GPHN: variants seen among roughly 807,000 people sequenced by gnomAD.
GPHN encodes gephyrin.
A neutral mutation model predicts 95.5 loss-of-function variants in GPHN; 17 were observed. The ratio of observed to expected loss-of-function variants is 0.18; its 90% CI spans 0.12 to 0.27. The LOEUF (loss-of-function observed/expected upper bound fraction) is 0.27. GPHN is among the 10% of genes least tolerant of loss of function. The pLI is 1.00. For missense variants in GPHN, 660 were observed against 978.1 expected (o/e 0.67, Z 4.34); for synonymous variants, 320 against 322.5 (o/e 0.99, Z 0.08).
chr14:67,036,694 T>A (rs2074443004), intron 10 of GPHN, among the ~76,000 whole-genome samples: 1 of 151,660 alleles, frequency 6.6e-6, no homozygotes, highest in Non-Finnish European at 1.5e-5. Flanking sequence ...TACAATAGCA[T>A]CAGAAAGAAT....
the GPHN span, among the ~76,000 whole-genome samples, chr14:67,425,677 C>G: frequency 6.6e-5 from 10 of 152,150 alleles, no homozygotes; most frequent in African/African-American, 2.4e-4. Flanking sequence ...AGAATTAAGG[C>G]AATGAGAGGG....
chr14:67,343,860 T>C, the GPHN span, among the ~76,000 whole-genome samples: 23,621 of 152,172 alleles, frequency 0.16, 3,469 homozygotes, highest in East Asian at 0.42. Context: ...TGTCTCTTCA[T>C]AACAAAACAA....
chr14:67,465,385 G>A, the GPHN span, among the ~76,000 whole-genome samples: 11 of 129,616 alleles, frequency 8.5e-5, no homozygotes, highest in African/African-American at 2.8e-4. Flanking sequence ...CAGGGCTGGG[G>A]CAGAGGCGAG....
intron 3 of GPHN, among the ~76,000 whole-genome samples, chr14:66,795,953 T>A (rs1310196478): frequency 6.6e-6 from 1 of 152,118 alleles, no homozygotes; most frequent in African/African-American, 2.4e-5. Flanking sequence ...TTGTACCTAC[T>A]AACCATCCCT....
chr14:66,515,207 A>C (rs571876524), intron 1 of GPHN, among the ~76,000 whole-genome samples: 6 of 152,108 alleles, frequency 3.9e-5, no homozygotes, highest in Non-Finnish European at 8.8e-5. Flanking sequence ...ATATATGGTT[A>C]TGTTCTTTAC....
At chr14:67,105,588 C>T (rs2077989503) in intron 13 of GPHN, among the ~76,000 whole-genome samples, 2 of 152,052 alleles carry the variant, frequency 1.3e-5, no homozygotes, top group Non-Finnish European at 2.9e-5. Flanking sequence ...AGAATGACCT[C>T]TCATATTTCT....
At chr14:67,506,285 C>T in the GPHN span, among the ~76,000 whole-genome samples, 19 of 152,048 alleles carry the variant, frequency 1.2e-4, no homozygotes, top group African/African-American at 3.9e-4. Flanking sequence ...ATCACAGAAC[C>T]GTCTCCTATG....
chr14:67,203,180 G>T, the GPHN span: 1 of 1,613,932 alleles, frequency 6.2e-7, no homozygotes, highest in Non-Finnish European at 8.5e-7. Context: ...CCACCCACAA[G>T]ATCCCCAATG....
intron 10 of GPHN, among the ~76,000 whole-genome samples, chr14:67,055,261 T>C (rs934880034): frequency 6.6e-6 from 1 of 152,188 alleles, no homozygotes. Context: ...GCAAAGGATA[T>C]GTACAGACAC....
intron 17 of GPHN, among the ~76,000 whole-genome samples, chr14:67,128,029 A>C (rs1051984980): frequency 6.6e-6 from 1 of 152,138 alleles, no homozygotes; most frequent in Non-Finnish European, 1.5e-5. Context: ...TTCTCCACTC[A>C]AAATCTATTA....
intron 8 of GPHN, among the ~76,000 whole-genome samples, chr14:66,952,642 A>C (rs1425134956): frequency 6.6e-6 from 1 of 152,182 alleles, no homozygotes; most frequent in African/African-American, 2.4e-5. Flanking sequence ...CATACCCAAC[A>C]GCAATGTATG....
At chr14:66,729,270 A>G (rs188366018) in intron 2 of GPHN, among the ~76,000 whole-genome samples, 2 of 152,282 alleles carry the variant, frequency 1.3e-5, no homozygotes, top group Non-Finnish European at 2.9e-5. Flanking sequence ...TATCCCCAGG[A>G]TATCTCATTA....
At chr14:67,279,197 T>C in the GPHN span, 1 of 1,605,688 alleles carries the variant, frequency 6.2e-7, no homozygotes, top group East Asian at 2.2e-5. Context: ...TGAATGGGCA[T>C]GTTACAGAGG....
chr14:67,255,022 G>A, the GPHN span, among the ~76,000 whole-genome samples: 23,460 of 152,082 alleles, frequency 0.15, 3,413 homozygotes, highest in East Asian at 0.42. Context: ...GGTGGCGCAC[G>A]CCTGTAGTCC....
intron 10 of GPHN, among the ~76,000 whole-genome samples, chr14:67,057,962 CTAAACA>C (rs1404343147): frequency 4.6e-5 from 7 of 152,280 alleles, no homozygotes; most frequent in Admixed American, 3.3e-4. Flanking sequence ...TTCTCAGAAA[CTAAACA>C]TATTTTTAAA....
At chr14:66,526,050 G>A (rs952739113) in intron 1 of GPHN, among the ~76,000 whole-genome samples, 2 of 151,862 alleles carry the variant, frequency 1.3e-5, no homozygotes, top group Admixed American at 6.6e-5. Context: ...GCTTGATGAG[G>A]ATAGCATTGA....
At chr14:67,703,960 G>A in the GPHN span, among the ~76,000 whole-genome samples, 1 of 152,190 alleles carries the variant, frequency 6.6e-6, no homozygotes, top group African/African-American at 2.4e-5. Context: ...TTACAGGCGT[G>A]AGCCACTGTG....
chr14:67,002,223 A>G (rs72730439), intron 9 of GPHN, among the ~76,000 whole-genome samples: 8,902 of 150,688 alleles, frequency 0.059, 320 homozygotes, highest in Middle Eastern at 0.085. Flanking sequence ...TAGTAATCCC[A>G]TCTTTTAAGT....
chr14:67,457,087 T>C, the GPHN span, among the ~76,000 whole-genome samples: 4 of 152,018 alleles, frequency 2.6e-5, no homozygotes, highest in African/African-American at 9.7e-5. Context: ...TGAGTACACA[T>C]GGACATAAAG....
Sources: gnomAD v4.1 joint callset for allele counts (sites outside exome capture counted in the v4.1 genomes callset) on GRCh38, gnomAD v4.1.1 for gene constraint, MANE v1.5 for transcripts, NCBI Gene and HGNC (gene_info 2026-07-23, HGNC 2026-07-21) for gene names.